Variants in SNTG1 observed in about 807,000 individuals in gnomAD.
The protein encoded by SNTG1 is gamma-1-syntrophin.
In SNTG1, 39 loss-of-function variants were observed where a neutral mutation model predicts 74.7. That is an observed-to-expected ratio of 0.52 (90% CI 0.40 to 0.68). The LOEUF (loss-of-function observed/expected upper bound fraction) is 0.68, where lower values mean the gene tolerates loss of function less well. Among genes scored for constraint, SNTG1 ranks in the 30% least tolerant of loss-of-function variants. The pLI is 0.00. For synonymous variants in SNTG1, 254 were observed against 217.1 expected, an observed-to-expected ratio of 1.17 and a Z score of -1.49; for missense variants, 685 against 609.5, an observed-to-expected ratio of 1.12 and a Z score of -1.30.
intron 13 of SNTG1, among the ~76,000 whole-genome samples, chr8:50,621,487 A>T (rs370635931): frequency 6.6e-6 from 1 of 152,384 alleles, no homozygotes; most frequent in Admixed American, 6.5e-5. Flanking sequence ...TTTGATAGCC[A>T]TTATTAGCTT....
chr8:50,788,070 C>G (rs2095680804), intron 18 of SNTG1, among the ~76,000 whole-genome samples: 1 of 151,994 alleles, frequency 6.6e-6, no homozygotes, highest in Admixed American at 6.6e-5. Context: ...GGAACATATT[C>G]ATTTACACAA....
At chr8:50,742,928 A>C (rs1190227891) in intron 17 of SNTG1, among the ~76,000 whole-genome samples, 1 of 151,870 alleles carries the variant, frequency 6.6e-6, no homozygotes, top group Non-Finnish European at 1.5e-5. Context: ...ACCTAGATGA[A>C]ATAGATAAAT....
chr8:50,614,010 C>T (rs1475741740), intron 13 of SNTG1, among the ~76,000 whole-genome samples: 1 of 152,080 alleles, frequency 6.6e-6, no homozygotes, highest in East Asian at 1.9e-4. Context: ...TGAGATTGTA[C>T]ACCCTGAGTG....
intron 18 of SNTG1, among the ~76,000 whole-genome samples, chr8:50,780,492 G>A (rs959650254): frequency 6.6e-6 from 1 of 152,210 alleles, no homozygotes; most frequent in Non-Finnish European, 1.5e-5. Context: ...TATTTGCATA[G>A]AGGTGTTTGT....
At chr8:50,616,464 CA>C (rs2094886118) in intron 13 of SNTG1, among the ~76,000 whole-genome samples, 1 of 152,138 alleles carries the variant, frequency 6.6e-6, no homozygotes. Context: ...AAAGCAAGAA[CA>C]GGATTCAGCT....
chr8:50,452,439 GATTTTAA>G (rs1563406864), intron 8 of SNTG1, among the ~76,000 whole-genome samples: 1 of 152,176 alleles, frequency 6.6e-6, no homozygotes, highest in Non-Finnish European at 1.5e-5. Context: ...AGTACAAAGT[GATTTTAA>G]ACTCATTACC....
intron 1 of SNTG1, among the ~76,000 whole-genome samples, chr8:49,947,069 G>A (rs1393854531): frequency 6.6e-6 from 1 of 152,202 alleles, no homozygotes; most frequent in South Asian, 2.1e-4. Flanking sequence ...GGAGGCTGAG[G>A]TGGGCAGATC....
rs932468898 is a variant in SNTG1 at position 50,271,154 on chromosome 8, T to C, written c.-28+98519T>C. On this transcript the variant is annotated intron_variant, in intron 2 of 18. Coordinates refer to ENST00000642720, the MANE Select transcript of SNTG1 (RefSeq NM_018967.5). The stretch of plus-strand genomic sequence containing the variant: ...CAAACGTGATTAAGGGAGAAGATTA[T>C]AGAAGCATGTGAGAAATGGAAAGTG... 3.3e-5 allele frequency among the ~76,000 whole-genome samples: 5 copies of C among 152,320 alleles called. No individual in the cohort carries two copies. In the East Asian group the frequency reaches 5.8e-4, roughly 18 times the overall value.
At chr8:50,329,614 C>T (rs1483184405) in intron 2 of SNTG1, among the ~76,000 whole-genome samples, 1 of 152,060 alleles carries the variant, frequency 6.6e-6, no homozygotes, top group African/African-American at 2.4e-5. Flanking sequence ...GATCCCAAGG[C>T]TACACACAGC....
At chr8:50,396,885 G>A (rs1269427557) in intron 3 of SNTG1, among the ~76,000 whole-genome samples, 1 of 152,172 alleles carries the variant, frequency 6.6e-6, no homozygotes, top group Non-Finnish European at 1.5e-5. Context: ...AAGTTTAAAT[G>A]TGAGAGAAGT....
chr8:50,718,720 C>T (rs1563778141), intron 17 of SNTG1, among the ~76,000 whole-genome samples: 1 of 152,208 alleles, frequency 6.6e-6, no homozygotes, highest in Non-Finnish European at 1.5e-5. Flanking sequence ...GAGGGCAGAT[C>T]AGCCCGGTCC....
At chr8:50,480,394 G>T (rs991464286) in intron 8 of SNTG1, among the ~76,000 whole-genome samples, 4 of 152,154 alleles carry the variant, frequency 2.6e-5, no homozygotes, top group Non-Finnish European at 5.9e-5. Flanking sequence ...TATCTCAAAA[G>T]TATACAAGGA....
intron 3 of SNTG1, among the ~76,000 whole-genome samples, chr8:50,399,948 T>C (rs1395735613): frequency 1.3e-5 from 2 of 152,196 alleles, no homozygotes; most frequent in Admixed American, 6.5e-5. Context: ...AAAAAGCTTC[T>C]GTTTTTCCTA....
intron 8 of SNTG1, among the ~76,000 whole-genome samples, chr8:50,495,359 C>T (rs1158636902): frequency 1.3e-5 from 2 of 152,138 alleles, no homozygotes; most frequent in African/African-American, 2.4e-5. Context: ...TAATCTGACT[C>T]CCCATCCCTA....
At chr8:49,944,137 G>C (rs1808943893) in intron 1 of SNTG1, among the ~76,000 whole-genome samples, 1 of 152,116 alleles carries the variant, frequency 6.6e-6, no homozygotes, top group South Asian at 2.1e-4. Flanking sequence ...CTTGATTCTG[G>C]TGTGATAGGA....
At chr8:50,079,240 C>T (rs181827400) in intron 1 of SNTG1, among the ~76,000 whole-genome samples, 2 of 152,096 alleles carry the variant, frequency 1.3e-5, no homozygotes, top group Non-Finnish European at 2.9e-5. Context: ...GACTTTTTAA[C>T]GATCGCCATT....
intron 17 of SNTG1, among the ~76,000 whole-genome samples, chr8:50,733,529 C>T (rs1193776434): frequency 6.6e-6 from 1 of 151,982 alleles, no homozygotes; most frequent in Non-Finnish European, 1.5e-5. Flanking sequence ...AGTGGTGGTG[C>T]AAATTTACAT....
At chr8:50,348,463 C>A (rs773688388) in intron 2 of SNTG1, among the ~76,000 whole-genome samples, 4 of 152,228 alleles carry the variant, frequency 2.6e-5, no homozygotes, top group Non-Finnish European at 4.4e-5. Context: ...AGAGAAAATC[C>A]ATTTTCTCCA....
chr8:50,181,006 T>C (rs1331127103), intron 2 of SNTG1, among the ~76,000 whole-genome samples: 1 of 152,120 alleles, frequency 6.6e-6, no homozygotes, highest in Non-Finnish European at 1.5e-5. Flanking sequence ...TCAGGTGATC[T>C]GCCTGTTTCA....
Sources: gnomAD v4.1 joint callset for allele counts (sites outside exome capture counted in the v4.1 genomes callset) on GRCh38, gnomAD v4.1.1 for gene constraint, MANE v1.5 for transcripts, NCBI Gene and HGNC (gene_info 2026-07-23, HGNC 2026-07-21) for gene names.